The following ANO6 variants were observed in gnomAD, a reference collection of about 807,000 sequenced individuals.
ANO6 encodes anoctamin-6.
ANO6 carries 106 observed loss-of-function variants against 117.5 expected under a neutral mutation model. That is an observed-to-expected ratio of 0.90 (90% CI 0.77 to 1.06). The LOEUF is 1.06. Among genes scored for constraint, ANO6 ranks in the 50% least tolerant of loss-of-function variants. The pLI, the probability that ANO6 is intolerant of heterozygous loss-of-function variation, is 0.00. For synonymous variants in ANO6, 367 were observed against 385.1 expected, an observed-to-expected ratio of 0.95 and a Z score of 0.55; for missense variants, 955 against 1,121.1, an observed-to-expected ratio of 0.85 and a Z score of 2.12.
At chr12:45,270,006 A>G (rs1395887596) in intron 1 of ANO6, among the ~76,000 whole-genome samples, 3 of 152,274 alleles carry the variant, frequency 2.0e-5, no homozygotes, top group East Asian at 3.9e-4. Context: ...TGGTTTAATT[A>G]TTGGAATGCA....
At chr12:45,438,251 A>ATGTG (rs58453929) in intron 19 of ANO6, among the ~76,000 whole-genome samples, 3,151 of 146,724 alleles carry the variant, frequency 0.021, 50 homozygotes, top group East Asian at 0.074. Context: ...ATTTGCGTGT[A>ATGTG]TGTGTGTGTG....
At chr12:45,319,986 T>C (rs1411735476) in intron 2 of ANO6, among the ~76,000 whole-genome samples, 1 of 152,102 alleles carries the variant, frequency 6.6e-6, no homozygotes. Context: ...TTTTTTATCG[T>C]GTCTATTTGA....
At chr12:45,237,951 G>A (rs1034254167) in intron 1 of ANO6, among the ~76,000 whole-genome samples, 31 of 152,102 alleles carry the variant, frequency 2.0e-4, no homozygotes, top group Non-Finnish European at 4.4e-4. Flanking sequence ...TCTCTTGTAA[G>A]TTGGATTCCT....
intron 1 of ANO6, among the ~76,000 whole-genome samples, chr12:45,293,508 A>G (rs1939175054): frequency 6.6e-6 from 1 of 151,968 alleles, no homozygotes; most frequent in African/African-American, 2.4e-5. Context: ...CACTCTTTAA[A>G]AAAAAAAACC....
chr12:45,410,574 T>C (rs762952911), intron 16 of ANO6, among the ~76,000 whole-genome samples: 11 of 152,238 alleles, frequency 7.2e-5, no homozygotes, highest in Non-Finnish European at 1.3e-4. Flanking sequence ...AATAGATGGC[T>C]AACAATTTAC....
At chr12:45,334,381 C>G (rs1940764718) in intron 3 of ANO6, among the ~76,000 whole-genome samples, 2 of 152,048 alleles carry the variant, frequency 1.3e-5, no homozygotes, top group Admixed American at 1.3e-4. Context: ...TCAATGAAGT[C>G]ATTCCATCCT....
chr12:45,365,082 A>T (rs1941650722), intron 8 of ANO6, among the ~76,000 whole-genome samples: 1 of 152,246 alleles, frequency 6.6e-6, no homozygotes, highest in South Asian at 2.1e-4. Context: ...TGGTGACTGC[A>T]TTAAATGCCT....
intron 1 of ANO6, among the ~76,000 whole-genome samples, chr12:45,234,270 G>T (rs886547769): frequency 1.3e-5 from 2 of 152,162 alleles, no homozygotes; most frequent in African/African-American, 4.8e-5. Context: ...CATTCATTCT[G>T]AGGATTATTG....
At chr12:45,221,796 G>A (rs571365732) in intron 1 of ANO6, among the ~76,000 whole-genome samples, 59 of 152,062 alleles carry the variant, frequency 3.9e-4, no homozygotes, top group South Asian at 2.9e-3. Context: ...ATGGTGGCAG[G>A]AGGAGAGAAT....
chr12:45,293,815 C>T, intron 1 of ANO6, among the ~76,000 whole-genome samples: 1 of 139,430 alleles, frequency 7.2e-6, no homozygotes, highest in East Asian at 2.1e-4. Flanking sequence ...GATCTCCTGA[C>T]CTCATGATCC....
chr12:45,309,858 CA>C (rs1456439295), intron 2 of ANO6, among the ~76,000 whole-genome samples: 1 of 151,880 alleles, frequency 6.6e-6, no homozygotes, highest in African/African-American at 2.4e-5. Context: ...TTAAGCTTGC[CA>C]AACTAAAAAA....
In ANO6 at chr12:45,292,719, T is replaced by C; in HGVS notation, c.71-9295T>C. The C allele has an allele frequency of 2.9e-6, 4 of 1,379,370 alleles. No individual in the cohort carries two copies. The Admixed American group carries it at 9.0e-5, about 31-fold the overall frequency. 85.4% of individuals were successfully genotyped at this position (1,379,370 alleles called of 1,614,324 possible). ...GAGGCTTGTAGGAATAGGGGAAGAG[T>C]TCATAAGCAGAGCTGAAACAACACC... On this transcript the variant is annotated intron_variant, in intron 1 of 19. Coordinates refer to ENST00000320560, the MANE Select transcript of ANO6 (RefSeq NM_001025356.3).
At chr12:45,292,706 A>T in intron 1 of ANO6, 1 of 1,332,204 alleles carries the variant, frequency 7.5e-7, no homozygotes, top group South Asian at 2.1e-5. Context: ...GGCTTGTAGG[A>T]ATAGGGGAAG....
intron 1 of ANO6, among the ~76,000 whole-genome samples, chr12:45,270,056 T>C (rs1938345092): frequency 6.6e-6 from 1 of 152,170 alleles, no homozygotes; most frequent in Non-Finnish European, 1.5e-5. Flanking sequence ...GAAGATGTTA[T>C]TGTGCACCAG....
At chr12:45,231,253 C>A (rs1419501778) in intron 1 of ANO6, among the ~76,000 whole-genome samples, 1 of 152,046 alleles carries the variant, frequency 6.6e-6, no homozygotes, top group Non-Finnish European at 1.5e-5. Context: ...CAAGTTATTA[C>A]CCTGGTAGTT....
intron 1 of ANO6, among the ~76,000 whole-genome samples, chr12:45,270,095 A>G (rs184043956): frequency 1.3e-4 from 20 of 152,332 alleles, no homozygotes; most frequent in African/African-American, 4.8e-4. Context: ...CTGAGATGTC[A>G]GGGTCCTGAG....
At chr12:45,363,108 A>G (rs953472535) in intron 8 of ANO6, among the ~76,000 whole-genome samples, 1 of 152,088 alleles carries the variant, frequency 6.6e-6, no homozygotes, top group African/African-American at 2.4e-5. Flanking sequence ...GAAGCGTTTC[A>G]GATTTCAGAT....
Position 45,349,377 on chromosome 12 carries a change from C to A in ANO6, c.747+746C>A, listed in dbSNP as rs545311574. 6.6e-5 allele frequency among the ~76,000 whole-genome samples: 10 copies of A among 152,308 alleles called. No individual in the cohort carries two copies. In the South Asian group the frequency reaches 1.9e-3, roughly 28 times the overall value. ...TAAGGACTACATTCTGAGACCACAG[C>A]AACCCCTCAAATTCAAGAGTACTTC... On this transcript the variant is annotated intron_variant, in intron 6 of 19. Transcript: ENST00000320560.
chr12:45,255,949 G>T (rs190089517), intron 1 of ANO6, among the ~76,000 whole-genome samples: 75 of 151,120 alleles, frequency 5.0e-4, no homozygotes, highest in Admixed American at 1.3e-3. Flanking sequence ...TCCCTCCCGA[G>T]TAGCTGGGAT....
Sources: allele counts gnomAD v4.1 joint callset (sites outside exome capture counted in the v4.1 genomes callset), GRCh38; gene constraint gnomAD v4.1.1; transcripts MANE v1.5; gene names NCBI Gene and HGNC (gene_info 2026-07-23, HGNC 2026-07-21).